UBE3C: variants seen among roughly 807,000 people sequenced by gnomAD.
UBE3C encodes the protein ubiquitin protein ligase E3C, also known as ubiquitin-protein ligase E3C.
A neutral mutation model predicts 129.4 loss-of-function variants in UBE3C; 42 were observed. The observed-to-expected ratio is 0.32, with a 90% CI of 0.25 to 0.42. The LOEUF (loss-of-function observed/expected upper bound fraction) is 0.42. Among genes scored for constraint, UBE3C ranks in the 10% least tolerant of loss-of-function variants. The probability of loss-of-function intolerance (pLI) is 1.00; values close to 1 mark genes in which losing one functional copy is unlikely to be tolerated. For synonymous variants in UBE3C, 510 were observed against 492.4 expected, an observed-to-expected ratio of 1.04 and a Z score of -0.47; for missense variants, 1,049 against 1,319.1, an observed-to-expected ratio of 0.80 and a Z score of 3.17.
At chr7:157,187,162 A>G (rs1217612958) in intron 10 of UBE3C, 141 bp downstream of exon 10, 6 of 1,077,642 alleles carry the variant, frequency 5.6e-6, no homozygotes, top group Non-Finnish European at 7.6e-6. Context: ...CAAGCGTTTC[A>G]TAAAAAATAA....
chr7:157,234,765 T>C (rs1168191614), intron 18 of UBE3C, among the ~76,000 whole-genome samples: 2 of 152,208 alleles, frequency 1.3e-5, no homozygotes, highest in Admixed American at 6.5e-5. Flanking sequence ...GGTGTTGATT[T>C]GATGTTGATT....
chr7:157,201,677 G>A, intron 10 of UBE3C, 44 bp from the exon 11 acceptor site: 8 of 430,192 alleles, frequency 1.9e-5, no homozygotes, highest in South Asian at 4.8e-5. Context: ...TTTTGAATAA[G>A]TAATTGCTTT....
chr7:157,189,215 T>G (rs1586674543), intron 10 of UBE3C: 3 of 363,058 alleles, frequency 8.3e-6, no homozygotes, highest in East Asian at 8.3e-5. Flanking sequence ...AGTACACTAT[T>G]TTTATATCAC....
intron 13 of UBE3C, among the ~76,000 whole-genome samples, chr7:157,214,643 A>G (rs10228145): frequency 0.47 from 72,095 of 152,126 alleles, 19,633 homozygotes; most frequent in African/African-American, 0.76. Flanking sequence ...AAGACCAGAC[A>G]CGAACATCTT....
chr7:157,238,020 C>G (rs541591617), intron 18 of UBE3C, among the ~76,000 whole-genome samples: 2 of 152,058 alleles, frequency 1.3e-5, no homozygotes, highest in Non-Finnish European at 2.9e-5. Flanking sequence ...CCACCACACT[C>G]CAGCCTGGGT....
intron 13 of UBE3C, 120 bp downstream of exon 13, chr7:157,208,055 C>CTTTTTTTTTTTTTTTTT (rs35366316): frequency 1.1e-5 from 1 of 91,876 alleles, no homozygotes; most frequent in Non-Finnish European, 2.6e-5. Flanking sequence ...ATTTGCAAGA[C>CTTTTTTTTTTTTTTTTT]TTTTTTTTTT....
intron 5 of UBE3C, among the ~76,000 whole-genome samples, chr7:157,176,593 C>T (rs1808525004): frequency 6.6e-6 from 1 of 152,192 alleles, no homozygotes; most frequent in Non-Finnish European, 1.5e-5. Flanking sequence ...GTTTCTTTAA[C>T]AACAAGAAAA....
intron 13 of UBE3C, among the ~76,000 whole-genome samples, chr7:157,214,139 G>A (rs1311086583): frequency 1.3e-5 from 2 of 151,684 alleles, no homozygotes; most frequent in African/African-American, 4.9e-5. Flanking sequence ...GATTGACCAA[G>A]GATCCATGGT....
intron 11 of UBE3C, among the ~76,000 whole-genome samples, chr7:157,205,160 C>T (rs754213519): frequency 6.6e-6 from 1 of 152,192 alleles, no homozygotes; most frequent in Non-Finnish European, 1.5e-5. Context: ...AAAGAATGGT[C>T]AGCAGAGAAC....
At chr7:157,239,387 G>A (rs1222225193) in intron 18 of UBE3C, among the ~76,000 whole-genome samples, 11 of 152,278 alleles carry the variant, frequency 7.2e-5, no homozygotes, top group Non-Finnish European at 1.5e-5. Context: ...TCAGAAACAA[G>A]CAAAGCTCCT....
intron 5 of UBE3C, 107 bp downstream of exon 5, chr7:157,175,141 T>G (rs936272791): frequency 5.0e-6 from 3 of 602,412 alleles, no homozygotes; most frequent in Admixed American, 4.3e-5. Flanking sequence ...TCCATACTTT[T>G]TTTTTTTTTT....
At chr7:157,183,206 G>C in intron 8 of UBE3C, among the ~76,000 whole-genome samples, 1 of 152,182 alleles carries the variant, frequency 6.6e-6, no homozygotes, top group East Asian at 1.9e-4. Flanking sequence ...GATAATGTCA[G>C]ATCCCATCAT....
At chr7:157,230,989 AC>A in intron 17 of UBE3C, 90 bp from the exon 18 acceptor site, 1 of 1,520,926 alleles carries the variant, frequency 6.6e-7, no homozygotes, top group Non-Finnish European at 8.9e-7. Flanking sequence ...AGATCCTCAC[AC>A]CCCTTCCTTA....
rs923293193 is a variant in UBE3C at position 157,138,992 on chromosome 7, T to C, written c.-281T>C. 20 of 152,924 alleles carry C rather than the reference T, an allele frequency of 1.3e-4. No homozygotes were observed. The highest frequency in any genetic ancestry group is 8.7e-5 in the Non-Finnish European group (6 of 68,864). 9.5% of individuals were successfully genotyped at this position (152,924 alleles called of 1,614,324 possible). A position where few individuals can be genotyped will look rare whatever the true frequency, so the allele number is the denominator to read the frequency against. ...GCAGTTCCAGGTGCAAGCGCCGGGT[T>C]TGCTGCCCGCTGGGCGCCCCTGCAG... On this transcript the variant is annotated 5_prime_UTR_variant, in exon 1 of 23. Transcript: ENST00000348165.
rs548231252 is a variant in UBE3C at position 157,219,158 on chromosome 7, T to C, written c.1915-1531T>C. Among the ~76,000 whole-genome samples, 88 of 152,282 alleles carry C rather than the reference T, an allele frequency of 5.8e-4. 1 individual carries two copies. The highest frequency in any genetic ancestry group is 8.5e-4 in the Non-Finnish European group (58 of 68,020). ...GCAGCGCATGTCTAGGGTCTGCTGGTCTGAGATGGTGTGTTGGCCTCCCAG... is the reference window on the plus strand; with the variant it reads ...GCAGCGCATGTCTAGGGTCTGCTGGCCTGAGATGGTGTGTTGGCCTCCCAG... On this transcript the variant is annotated intron_variant, in intron 14 of 22. Transcript: ENST00000348165.
chr7:157,261,162 C>T (rs368702580), intron 22 of UBE3C, among the ~76,000 whole-genome samples: 4 of 151,892 alleles, frequency 2.6e-5, no homozygotes, highest in East Asian at 1.9e-4. Flanking sequence ...AAAAATCAGC[C>T]GGGCATGGTG....
At chr7:157,148,731 C>CTTTTTTTTTTTTTTTTTTT (rs58138213) in intron 1 of UBE3C, among the ~76,000 whole-genome samples, 1 of 131,792 alleles carries the variant, frequency 7.6e-6, no homozygotes, top group Non-Finnish European at 1.6e-5. Flanking sequence ...CAAATTAGTT[C>CTTTTTTTTTTTTTTTTTTT]TTTTTTTTTT....
intron 14 of UBE3C, among the ~76,000 whole-genome samples, chr7:157,219,548 G>A (rs1003497195): frequency 6.6e-6 from 1 of 152,118 alleles, no homozygotes; most frequent in African/African-American, 2.4e-5. Flanking sequence ...CACCATGAGG[G>A]TGCAATTAGC....
At chr7:157,155,030 T>TTG (rs1468302619) in intron 1 of UBE3C, among the ~76,000 whole-genome samples, 5 of 152,142 alleles carry the variant, frequency 3.3e-5, no homozygotes, top group Admixed American at 2.6e-4. Context: ...TCTTTTGAAC[T>TTG]TGCATCATCT....
Sources: gnomAD v4.1 joint callset for allele counts (sites outside exome capture counted in the v4.1 genomes callset) on GRCh38, gnomAD v4.1.1 for gene constraint, MANE v1.5 for transcripts, NCBI Gene and HGNC (gene_info 2026-07-23, HGNC 2026-07-21) for gene names.